Variants in CEP128 observed in about 807,000 individuals in gnomAD.
The protein encoded by CEP128 is centrosomal protein 128, also known as centrosomal protein 128kDa.
A neutral mutation model predicts 156.7 loss-of-function variants in CEP128; 132 were observed. That is an observed-to-expected ratio of 0.84 (90% confidence interval 0.73 to 0.97). CEP128 has a LOEUF of 0.97. Among genes scored for constraint, CEP128 ranks in the 50% least tolerant of loss-of-function variants. The pLI is 0.00. For missense variants in CEP128, 1,252 were observed against 1,281.9 expected (o/e 0.98, Z 0.36); for synonymous variants, 469 against 448.9 (o/e 1.04, Z -0.57).
intron 19 of CEP128, among the ~76,000 whole-genome samples, chr14:80,600,739 T>C (rs1323898340): frequency 6.6e-6 from 1 of 152,148 alleles, no homozygotes; most frequent in Admixed American, 6.5e-5. Context: ...CAAAAATGTA[T>C]TTTTTTCTTT....
downstream of CEP128, among the ~76,000 whole-genome samples, chr14:80,487,845 C>T (rs1157865152): frequency 1.3e-5 from 2 of 152,006 alleles, no homozygotes; most frequent in Non-Finnish European, 2.9e-5. Context: ...AAAGACACAA[C>T]ATACCAGAAT....
intron 2 of CEP128, among the ~76,000 whole-genome samples, chr14:80,918,838 T>G (rs1019731850): frequency 6.6e-6 from 1 of 152,172 alleles, no homozygotes; most frequent in Admixed American, 6.5e-5. Context: ...AAGTGACATA[T>G]CTATACTAAT....
chr14:80,803,404 T>C (rs1365597176), intron 13 of CEP128, among the ~76,000 whole-genome samples: 3 of 150,040 alleles, frequency 2.0e-5, no homozygotes, highest in African/African-American at 7.4e-5. Flanking sequence ...GAAGTTAATT[T>C]AACAGTTACT....
At chr14:80,541,173 G>A (rs1889739453) in intron 21 of CEP128, among the ~76,000 whole-genome samples, 1 of 152,070 alleles carries the variant, frequency 6.6e-6, no homozygotes, top group Non-Finnish European at 1.5e-5. Flanking sequence ...TCAGGAAAAT[G>A]GGAAAACAGT....
chr14:80,647,060 T>TGC (rs1566831589), intron 19 of CEP128, among the ~76,000 whole-genome samples: 369 of 11,438 alleles, frequency 0.032, 32 homozygotes, highest in East Asian at 0.16. Flanking sequence ...TATATATATA[T>TGC]ATATATATAT....
intron 2 of CEP128, among the ~76,000 whole-genome samples, chr14:80,957,106 AAGGTCCCTGCTGTT>A (rs1886735952): frequency 6.6e-6 from 1 of 151,960 alleles, no homozygotes; most frequent in Non-Finnish European, 1.5e-5. Flanking sequence ...CACTTCCCCA[AAGGTCCCTGCTGTT>A]ACAGCTGCCC....
At chr14:80,493,905 T>G (rs1887408271), downstream of CEP128, among the ~76,000 whole-genome samples, 1 of 152,232 alleles carries the variant, frequency 6.6e-6, no homozygotes, top group African/African-American at 2.4e-5. Flanking sequence ...AAGAGCAGAT[T>G]GGTTTACTTT....
chr14:80,881,528 A>C (rs139357491), intron 8 of CEP128, among the ~76,000 whole-genome samples: 37 of 152,294 alleles, frequency 2.4e-4, no homozygotes, highest in African/African-American at 7.5e-4. Context: ...CAACCTATTC[A>C]AAAAAATAGA....
In CEP128 at chr14:80,905,120, C is replaced by A. The variant is rs563077078; in HGVS notation, c.362-189G>T. Among the ~76,000 whole-genome samples, 8 of 152,028 alleles carry A rather than the reference C, an allele frequency of 5.3e-5. 1 individual carries two copies. Among genetic ancestry groups the A allele is most frequent in the African/African-American group, 1.7e-4 (7 of 41,490 alleles). ...ATTAGCATTAATCATGCTCTTAAAG[C>A]AGATAAAATGAACAACAGAAATAAC... On this transcript the variant is annotated intron_variant, in intron 5 of 24. Coordinates refer to ENST00000555265, the MANE Select transcript of CEP128 (RefSeq NM_152446.5).
At chr14:80,477,807 G>A (rs1016465357) in exon 15 of CEP128, 1 of 152,104 alleles carries the variant, frequency 6.6e-6, no homozygotes. Flanking sequence ...CCTCACTGTC[G>A]TCCTGAGAGA....
At chr14:80,710,191 AT>A (rs1897352676) in intron 19 of CEP128, among the ~76,000 whole-genome samples, 1 of 152,118 alleles carries the variant, frequency 6.6e-6, no homozygotes, top group African/African-American at 2.4e-5. Flanking sequence ...CATAATTCCC[AT>A]TACCAAAGGG....
chr14:80,550,545 G>T (rs753779288), intron 21 of CEP128, among the ~76,000 whole-genome samples: 1 of 151,594 alleles, frequency 6.6e-6, no homozygotes, highest in African/African-American at 2.4e-5. Flanking sequence ...TATGACCCTC[G>T]TTAAAAGACA....
At chr14:80,778,139 C>G in intron 15 of CEP128, 93 bp from the exon 16 acceptor site, 1 of 1,027,794 alleles carries the variant, frequency 9.7e-7, no homozygotes, top group East Asian at 2.4e-5. Context: ...AAAAACACTG[C>G]AAGATTTCAG....
chr14:80,576,734 C>A (rs1378470301), intron 20 of CEP128, among the ~76,000 whole-genome samples: 1 of 151,922 alleles, frequency 6.6e-6, no homozygotes, highest in African/African-American at 2.4e-5. Flanking sequence ...AAAATGAACT[C>A]TAGGACAGGA....
intron 15 of CEP128, among the ~76,000 whole-genome samples, chr14:80,783,576 C>A (rs993177810): frequency 6.6e-6 from 1 of 152,212 alleles, no homozygotes; most frequent in African/African-American, 2.4e-5. Context: ...AATCAATCAA[C>A]ATGTAATATA....
chr14:80,779,806 G>A (rs565552557), intron 15 of CEP128, among the ~76,000 whole-genome samples: 55 of 152,258 alleles, frequency 3.6e-4, no homozygotes, highest in Non-Finnish European at 6.6e-4. Context: ...TTTTTATTAC[G>A]TTTATATTTC....
intron 19 of CEP128, among the ~76,000 whole-genome samples, chr14:80,639,868 G>C (rs1156358633): frequency 6.6e-6 from 1 of 152,094 alleles, no homozygotes. Context: ...CAAATTTGAA[G>C]AACAAACAAC....
chr14:80,767,789 G>T (rs1900312658), intron 16 of CEP128, among the ~76,000 whole-genome samples: 1 of 152,080 alleles, frequency 6.6e-6, no homozygotes, highest in African/African-American at 2.4e-5. Flanking sequence ...AAAAGGAATG[G>T]CAAATGGGAA....
intron 23 of CEP128, among the ~76,000 whole-genome samples, chr14:80,512,700 T>C (rs1019988608): frequency 3.7e-4 from 56 of 152,148 alleles, no homozygotes; most frequent in South Asian, 2.1e-4. Context: ...TCTGGTAGTA[T>C]GTTTTAATTT....
Sources: gnomAD v4.1 joint callset for allele counts (sites outside exome capture counted in the v4.1 genomes callset) on GRCh38, gnomAD v4.1.1 for gene constraint, MANE v1.5 for transcripts, NCBI Gene and HGNC (gene_info 2026-07-23, HGNC 2026-07-21) for gene names.